The following PTPN3 variants were observed in gnomAD, a reference collection of about 807,000 sequenced individuals.
PTPN3 encodes the protein protein tyrosine phosphatase non-receptor type 3.
Under a neutral mutation model 132.7 loss-of-function variants are expected in PTPN3, and 96 were observed. The observed-to-expected ratio is 0.72, with a 90% CI of 0.61 to 0.86. PTPN3 has a LOEUF of 0.86. Among genes scored for constraint, PTPN3 ranks in the 40% least tolerant of loss-of-function variants. The pLI is 0.00. For synonymous variants in PTPN3, 398 were observed against 429.0 expected, an observed-to-expected ratio of 0.93 and a Z score of 0.89; for missense variants, 1,125 against 1,159.6, an observed-to-expected ratio of 0.97 and a Z score of 0.43.
intron 4 of PTPN3, among the ~76,000 whole-genome samples, chr9:109,456,480 G>A (rs147164841): frequency 6.6e-6 from 1 of 152,220 alleles, no homozygotes; most frequent in Non-Finnish European, 1.5e-5. Flanking sequence ...TTCGACAGAG[G>A]GAAGTGGGAG....
intron 5 of PTPN3, chr9:109,449,474 A>T: frequency 1.3e-5 from 13 of 985,528 alleles, no homozygotes; most frequent in Non-Finnish European, 1.6e-5. Flanking sequence ...TCTCTGGGCA[A>T]CCAGCAAATG....
At chr9:109,514,142 CT>C in the PTPN3 span, among the ~76,000 whole-genome samples, 6 of 152,302 alleles carry the variant, frequency 3.9e-5, no homozygotes, top group South Asian at 1.2e-3. Context: ...TTCTCACATC[CT>C]TCCCAAGCCC....
intron 7 of PTPN3, among the ~76,000 whole-genome samples, chr9:109,439,103 T>G (rs1434016828): frequency 6.6e-6 from 1 of 152,196 alleles, no homozygotes; most frequent in Admixed American, 6.5e-5. Context: ...AGTTGTGCAG[T>G]GCTCAACCTG....
intron 22 of PTPN3, among the ~76,000 whole-genome samples, chr9:109,388,779 G>A (rs1466630781): frequency 6.6e-6 from 1 of 152,228 alleles, no homozygotes; most frequent in Non-Finnish European, 1.5e-5. Flanking sequence ...CTGCTGAAAA[G>A]GCAGAGTCAA....
At chr9:109,442,634 C>T (rs528008630) in intron 7 of PTPN3, among the ~76,000 whole-genome samples, 1 of 152,324 alleles carries the variant, frequency 6.6e-6, no homozygotes, top group African/African-American at 2.4e-5. Flanking sequence ...TTACTGTTTA[C>T]AACAGGCAAT....
intron 1 of PTPN3, among the ~76,000 whole-genome samples, chr9:109,483,177 A>G (rs1012423178): frequency 6.6e-6 from 1 of 152,222 alleles, no homozygotes; most frequent in African/African-American, 2.4e-5. Flanking sequence ...CAGAGAACTC[A>G]CAGCCCAGCC....
chr9:109,506,081 A>C, the PTPN3 span, among the ~76,000 whole-genome samples: 1 of 152,150 alleles, frequency 6.6e-6, no homozygotes, highest in African/African-American at 2.4e-5. Context: ...GGAGGTGCCC[A>C]TAGAAAGGGG....
chr9:109,408,779 A>AT lies in PTPN3; in HGVS notation c.1579-403dup, dbSNP rs1490274809. 3.3e-3 allele frequency among the ~76,000 whole-genome samples: 168 copies of AT among 51,550 alleles called. 3 individuals are homozygous for AT. The South Asian group carries it at 0.07, about 22-fold the overall frequency. The allele number at this position is 51,550 out of a possible 152,430, so 33.8% of individuals were successfully genotyped here. ...CACATGTACCCTAGAACTTATAATA[A>AT]TTAAAAAAAAAAAAAAAATATATAT... On this transcript the variant is annotated intron_variant, in intron 16 of 25. Transcript: ENST00000374541.
chr9:109,409,946 C>T (rs963078026), intron 16 of PTPN3, 53 bp downstream of exon 16: 8 of 1,592,846 alleles, frequency 5.0e-6, no homozygotes, highest in South Asian at 4.5e-5. Context: ...ATTAAAAACT[C>T]ATTGAAAGAT....
intron 7 of PTPN3, among the ~76,000 whole-genome samples, chr9:109,442,169 T>A (rs966072697): frequency 6.6e-6 from 1 of 152,014 alleles, no homozygotes; most frequent in African/African-American, 2.4e-5. Context: ...CACCTCAGCC[T>A]CCCCAGTAAC....
At position 109,463,442 on chromosome 9, in the gene PTPN3, G is replaced by A. The variant is rs200634188; in HGVS notation, c.-8C>T. The A allele has an allele frequency of 4.0e-4, 648 of 1,603,622 alleles. No homozygotes were observed. Among genetic ancestry groups the A allele is most frequent in the Non-Finnish European group, 4.6e-4 (541 of 1,177,204 alleles). On this transcript the variant is annotated 5_prime_UTR_variant, in exon 2 of 26. The change creates a premature stop within an existing upstream ORF in the 5' untranslated region. Coordinates refer to ENST00000374541, the MANE Select transcript of PTPN3 (RefSeq NM_002829.4). ...ACGTAACCGGGAGGTCATAACTATCGCTGAATAACCTGTAACATAAAATAT... is the reference window on the plus strand; with the variant it reads ...ACGTAACCGGGAGGTCATAACTATCACTGAATAACCTGTAACATAAAATAT...
intron 10 of PTPN3, among the ~76,000 whole-genome samples, chr9:109,431,508 C>G (rs1392977331): frequency 6.6e-6 from 1 of 152,192 alleles, no homozygotes; most frequent in Non-Finnish European, 1.5e-5. Flanking sequence ...CTGGGCACGC[C>G]CCAGCCCACC....
the PTPN3 span, among the ~76,000 whole-genome samples, chr9:109,510,576 A>ATAT: frequency 4.7e-3 from 220 of 46,964 alleles, no homozygotes; most frequent in African/African-American, 5.1e-3. Context: ...AAAAAAAAAA[A>ATAT]ATATATATAT....
chr9:109,475,805 G>C (rs1283474866), intron 1 of PTPN3, among the ~76,000 whole-genome samples: 8 of 152,164 alleles, frequency 5.3e-5, no homozygotes, highest in Non-Finnish European at 1.0e-4. Context: ...GTGCATACCA[G>C]CCAAGAAGCT....
Position 109,386,215 on chromosome 9 carries a change from GAGGGAGGAAA to G in PTPN3, c.2254-2674_2254-2665del, listed in dbSNP as rs536003561. 1.5e-3 allele frequency among the ~76,000 whole-genome samples: 231 copies of G among 152,306 alleles called. 2 individuals are homozygous for G. The highest frequency in any genetic ancestry group is 5.2e-3 in the African/African-American group (218 of 41,560). ...GGTCATCCAAGGGTTTGTAACAGGA[GAGGGAGGAAA>G]AGGGAGGAAATATGCACCCTGGATT... is the stretch of plus-strand genomic sequence containing the variant. On this transcript the variant is annotated intron_variant, in intron 22 of 25. Coordinates refer to ENST00000374541, the MANE Select transcript of PTPN3 (RefSeq NM_002829.4).
intron 1 of PTPN3, among the ~76,000 whole-genome samples, chr9:109,486,505 G>A (rs1178928312): frequency 1.3e-5 from 2 of 152,112 alleles, no homozygotes; most frequent in Admixed American, 1.3e-4. Flanking sequence ...GCTTGTCCAG[G>A]GCAGGTTATG....
rs1564457972 is a variant in PTPN3 at position 109,454,541 on chromosome 9, C to T, written c.323G>A (p.Arg108Lys). The T allele has an allele frequency of 6.2e-7, 1 of 1,613,622 alleles. No individual in the cohort carries two copies. Among genetic ancestry groups the T allele is most frequent in the Non-Finnish European group, 8.5e-7 (1 of 1,179,912 alleles). The change falls in exon 5 of 26, where the codon AGA becomes AAA. Residue 108 changes from arginine to lysine, a missense_variant. Physicochemically the swap from Arg to Lys is conservative, Grantham distance 26. Coordinates refer to ENST00000374541, the MANE Select transcript of PTPN3 (RefSeq NM_002829.4). ...TGTGTTGGGATCAGGTATAAAAAAT[C>T]TTACTCGAAAATGCAGGGTACAGGG... Reference protein sequence around the residue: ...GFPCTLHFRVRFFIPDPNTLQ... With the variant: ...GFPCTLHFRVKFFIPDPNTLQ...
chr9:109,438,032 G>A, intron 8 of PTPN3, 82 bp downstream of exon 8: 1 of 1,436,014 alleles, frequency 7.0e-7, no homozygotes, highest in Non-Finnish European at 9.4e-7. Flanking sequence ...AAAAGAAAGA[G>A]GCTGCATCAA....
rs1456412104 is a variant in PTPN3, at chr9:109,478,967, CTTTTCTTTTTT to C, written c.-17-15527_-17-15517del. Among the ~76,000 whole-genome samples the C allele has an allele frequency of 7.9e-5, 12 of 151,586 alleles. No individual in the cohort carries two copies. In the East Asian group the frequency reaches 2.3e-3, roughly 29 times the overall value. On this transcript the variant is annotated intron_variant, in intron 1 of 25. Coordinates refer to ENST00000374541, the MANE Select transcript of PTPN3 (RefSeq NM_002829.4). ...CTACCTCTTCTGGTCTTTTCTTTTTCTTTTCTTTTTTTCTGTTCTTTTAAATCTCCGGTAAA... is the reference window on the plus strand; with the variant it reads ...CTACCTCTTCTGGTCTTTTCTTTTTCTCTGTTCTTTTAAATCTCCGGTAAA...
Sources: gnomAD v4.1 joint callset for allele counts (sites outside exome capture counted in the v4.1 genomes callset) on GRCh38, gnomAD v4.1.1 for gene constraint, MANE v1.5 for transcripts, NCBI Gene and HGNC (gene_info 2026-07-23, HGNC 2026-07-21) for gene names.